PKP2: variants seen among roughly 807,000 people sequenced by gnomAD.
The protein encoded by PKP2 is plakophilin-2.
Under a neutral mutation model 83.4 loss-of-function variants are expected in PKP2, and 73 were observed. That is an observed-to-expected ratio of 0.88 (90% CI 0.72 to 1.06). The LOEUF is 1.06. PKP2 is among the 50% of genes least tolerant of loss of function. The pLI is 0.00. For missense variants in PKP2, 966 were observed against 1,065.4 expected (o/e 0.91, Z 1.30); for synonymous variants, 409 against 430.4 (o/e 0.95, Z 0.62).
chr12:32,883,810 C>T (rs1957006675), intron 1 of PKP2, among the ~76,000 whole-genome samples: 1 of 152,132 alleles, frequency 6.6e-6, no homozygotes, highest in African/African-American at 2.4e-5. Flanking sequence ...GAGGGTTTAC[C>T]TGAGAAAGCA....
At chr12:32,807,081 G>T (rs1956232380) in intron 9 of PKP2, among the ~76,000 whole-genome samples, 1 of 152,106 alleles carries the variant, frequency 6.6e-6, no homozygotes, top group Non-Finnish European at 1.5e-5. Flanking sequence ...GGTTTCTTAT[G>T]ATTTCGGTTC....
chr12:32,896,746 C>A lies in PKP2; in HGVS notation c.-15G>T, dbSNP rs886049325. 12 of 1,348,280 alleles carry A rather than the reference C, an allele frequency of 8.9e-6. No individual in the cohort carries two copies. Among genetic ancestry groups the A allele is most frequent in the African/African-American group, 1.5e-5 (1 of 66,260 alleles). The allele number at this position is 1,348,280 out of a possible 1,614,324, so 83.5% of individuals were successfully genotyped here. A position where few individuals can be genotyped will look rare whatever the true frequency, so the allele number is the denominator to read the frequency against. ...GGGGCTGCCATGGGGCCGGTGGGGG[C>A]GACCGAGCTGCTCGCCTGCCTCTGG... is the stretch of plus-strand genomic sequence containing the variant. On this transcript the variant is annotated 5_prime_UTR_variant, in exon 1 of 13. Coordinates refer to ENST00000340811, the MANE Select transcript of PKP2 (RefSeq NM_001005242.3).
intron 4 of PKP2, among the ~76,000 whole-genome samples, chr12:32,856,811 G>A (rs1351617563): frequency 6.6e-6 from 1 of 152,050 alleles, no homozygotes; most frequent in Non-Finnish European, 1.5e-5. Flanking sequence ...AATTACCTGG[G>A]TGAACCACCC....
chr12:32,812,506 CT>C (rs1046695935), intron 9 of PKP2, among the ~76,000 whole-genome samples: 6 of 152,012 alleles, frequency 3.9e-5, no homozygotes, highest in South Asian at 2.1e-4. Flanking sequence ...TTACTCATTT[CT>C]TTTTTTCTTT....
intron 4 of PKP2, among the ~76,000 whole-genome samples, chr12:32,862,889 T>C (rs561832069): frequency 6.6e-6 from 1 of 151,204 alleles, no homozygotes; most frequent in East Asian, 2.0e-4. Flanking sequence ...ATTCCAGCTA[T>C]TCGGGAGGTT....
intron 9 of PKP2, among the ~76,000 whole-genome samples, chr12:32,819,297 ACAATACAATACAATACAAT>A (rs1956351713): frequency 5.3e-5 from 1 of 18,876 alleles, no homozygotes. Context: ...ACAATACAAT[ACAATACAATACAATACAAT>A]AAAATAAAAT....
At position 32,841,015 on chromosome 12, in the gene PKP2, C is replaced by A. The variant is rs1458762192; in HGVS notation, c.1556+13G>T. The A allele has an allele frequency of 1.9e-6, 3 of 1,606,870 alleles. No homozygotes were observed. Among genetic ancestry groups the A allele is most frequent in the Non-Finnish European group, 2.6e-6 (3 of 1,174,892 alleles). ...TTGCATCTTCTATCAGGGCAGGGTA[C>A]AGGTAGCATTACCTTAGGCATCCAG... is the stretch of plus-strand genomic sequence containing the variant. On this transcript the variant is annotated intron_variant, in intron 6 of 12. Transcript: ENST00000340811.
chr12:32,878,948 G>C lies in PKP2; in HGVS notation c.308C>G (p.Pro103Arg). 6.3e-7 allele frequency: 1 copy of C among 1,596,238 alleles called. No homozygotes were observed. Reference protein sequence around the residue: ...VENDFVGGRSPVPKTYDMLKA... With the variant: ...VENDFVGGRSRVPKTYDMLKA... The stretch of plus-strand genomic sequence containing the variant: ...TAGCATGTCATAGGTTTTAGGAACA[G>C]GGGAACGGCCTCCAACAAAATCATT... The change falls in exon 2 of 13, where the codon CCT (proline) becomes CGT (arginine). Residue 103 changes from proline to arginine, a missense_variant. Pro to Arg is a moderately radical substitution (Grantham distance 103). Coordinates refer to ENST00000340811, the MANE Select transcript of PKP2 (RefSeq NM_001005242.3).
intron 1 of PKP2, among the ~76,000 whole-genome samples, chr12:32,881,920 G>A (rs1386198220): frequency 6.6e-6 from 1 of 152,206 alleles, no homozygotes; most frequent in Non-Finnish European, 1.5e-5. Context: ...CCAGGCTGCT[G>A]TGGGAAAGGA....
chr12:32,893,789 T>C (rs956234406), intron 1 of PKP2: 5 of 152,184 alleles, frequency 3.3e-5, no homozygotes, highest in Admixed American at 1.3e-4. Context: ...CTGTGAAATA[T>C]TCATTCTGTT....
intron 3 of PKP2, among the ~76,000 whole-genome samples, chr12:32,869,913 C>T (rs955908478): frequency 1.3e-5 from 2 of 151,996 alleles, no homozygotes; most frequent in African/African-American, 2.4e-5. Context: ...CCTGTAGACC[C>T]AGCTACTTGG....
intron 4 of PKP2, among the ~76,000 whole-genome samples, chr12:32,855,773 CAAAAAAAAAAAA>C (rs11431590): frequency 4.3e-5 from 2 of 46,864 alleles, no homozygotes; most frequent in Admixed American, 2.7e-4. Flanking sequence ...GACTCCATCT[CAAAAAAAAAAAA>C]AAAAAAAAAA....
intron 4 of PKP2, among the ~76,000 whole-genome samples, chr12:32,867,241 T>C (rs1956858201): frequency 6.6e-6 from 1 of 152,146 alleles, no homozygotes; most frequent in South Asian, 2.1e-4. Flanking sequence ...GGTGGGAGGA[T>C]TGCTTGAGCC....
At chr12:32,814,894 C>T (rs989386277) in intron 9 of PKP2, among the ~76,000 whole-genome samples, 1 of 151,860 alleles carries the variant, frequency 6.6e-6, no homozygotes, top group Non-Finnish European at 1.5e-5. Flanking sequence ...CACTGGACTC[C>T]ACCCTAGGCG....
chr12:32,826,003 T>G (rs1477698087), intron 6 of PKP2, among the ~76,000 whole-genome samples: 1 of 152,084 alleles, frequency 6.6e-6, no homozygotes. Context: ...TGCCTAAGCA[T>G]TACATCAAGA....
intron 3 of PKP2, 100 bp downstream of exon 3, chr12:32,877,746 C>G (rs574872508): frequency 1.3e-4 from 110 of 851,940 alleles, no homozygotes; most frequent in East Asian, 2.6e-5. Context: ...TCTCTGGAAG[C>G]CCTTCTCTCA....
At chr12:32,874,956 C>T (rs1245177733) in intron 3 of PKP2, among the ~76,000 whole-genome samples, 1 of 151,798 alleles carries the variant, frequency 6.6e-6, no homozygotes, top group Non-Finnish European at 1.5e-5. Flanking sequence ...CCTATTTTGC[C>T]CAAGCTGGTC....
chr12:32,810,675 A>ATTTT (rs1222143443), intron 9 of PKP2, among the ~76,000 whole-genome samples: 4 of 28,720 alleles, frequency 1.4e-4, no homozygotes, highest in Admixed American at 5.1e-4. Flanking sequence ...TAGAATAAAC[A>ATTTT]TTTTTTTTTT....
rs11437484 is a variant in PKP2 at position 32,838,481 on chromosome 12, T to TAA, written c.1556+2545_1556+2546dup. Among the ~76,000 whole-genome samples, 89 of 147,854 alleles carry TAA rather than the reference T, an allele frequency of 6.0e-4. 2 individuals carry two copies. The highest frequency in any genetic ancestry group is 2.8e-3 in the South Asian group (13 of 4,602). ...TACATGTACTTCCTGAATCGAAAATTAAAAAAAAAAAAAATTAACTCCTTA... is the reference window on the plus strand; with the variant it reads ...TACATGTACTTCCTGAATCGAAAATTAAAAAAAAAAAAAAAATTAACTCCTTA... On this transcript the variant is annotated intron_variant, in intron 6 of 12. Coordinates refer to ENST00000340811, the MANE Select transcript of PKP2 (RefSeq NM_001005242.3).
Sources: gnomAD v4.1 joint callset for allele counts (sites outside exome capture counted in the v4.1 genomes callset) on GRCh38, gnomAD v4.1.1 for gene constraint, MANE v1.5 for transcripts, NCBI Gene and HGNC (gene_info 2026-07-23, HGNC 2026-07-21) for gene names.